Variants in VIPR2 observed in about 807,000 individuals in gnomAD.
VIPR2 encodes the protein vasoactive intestinal peptide receptor 2.
VIPR2 carries 48 observed loss-of-function variants against 58.0 expected under a neutral mutation model. That is an observed-to-expected ratio of 0.83 (90% confidence interval 0.66 to 1.05). The LOEUF (loss-of-function observed/expected upper bound fraction) is 1.05, where lower values mean the gene tolerates loss of function less well. VIPR2 is among the 50% of genes least tolerant of loss of function. The pLI, the probability that VIPR2 is intolerant of heterozygous loss-of-function variation, is 0.00. For synonymous variants in VIPR2, 243 were observed against 235.2 expected (o/e 1.03, Z -0.30); for missense variants, 534 against 558.0 (o/e 0.96, Z 0.43).
At chr7:159,089,791 A>T (rs1000487037) in intron 4 of VIPR2, among the ~76,000 whole-genome samples, 3 of 152,256 alleles carry the variant, frequency 2.0e-5, no homozygotes, top group Admixed American at 6.5e-5. Context: ...TGTACACTGC[A>T]TACAGGATGG....
At chr7:159,032,264 C>T (rs899328173) in intron 10 of VIPR2, among the ~76,000 whole-genome samples, 197 bp from the exon 11 acceptor site, 2 of 152,224 alleles carry the variant, frequency 1.3e-5, no homozygotes, top group Admixed American at 6.5e-5. Flanking sequence ...ATATCTAGCA[C>T]TCAGGGCCTG....
At chr7:159,142,181 T>C (rs1338941265) in intron 2 of VIPR2, among the ~76,000 whole-genome samples, 2 of 152,258 alleles carry the variant, frequency 1.3e-5, no homozygotes, top group Non-Finnish European at 2.9e-5. Flanking sequence ...GAAATTGTTT[T>C]AGTAACTGTT....
chr7:159,138,737 G>A lies in VIPR2; in HGVS notation c.151+3709C>T, dbSNP rs576757297. 2.7e-4 allele frequency among the ~76,000 whole-genome samples: 41 copies of A among 152,334 alleles called. No individual in the cohort carries two copies. The South Asian group carries it at 3.7e-3, about 14-fold the overall frequency. On this transcript the variant is annotated intron_variant, in intron 2 of 12. Transcript: ENST00000262178. ...GGTCTACCCACGTGTGGACGTGTGC[G>A]CACCCCAACTCTCCAGGGGCAACTT...
intron 4 of VIPR2, among the ~76,000 whole-genome samples, chr7:159,069,459 C>G (rs78988873): frequency 2.6e-5 from 4 of 152,222 alleles, no homozygotes; most frequent in Admixed American, 2.6e-4. Flanking sequence ...CCAGAACTTT[C>G]CAGACCCACC....
Position 159,128,463 on chromosome 7 carries a change from C to G in VIPR2, c.151+13983G>C, listed in dbSNP as rs1407587790. Among the ~76,000 whole-genome samples, 1 of 152,188 alleles carries G rather than the reference C, an allele frequency of 6.6e-6. No homozygotes were observed. The highest frequency in any genetic ancestry group is 2.4e-5 in the African/African-American group (1 of 41,452). On this transcript the variant is annotated intron_variant, in intron 2 of 12. Coordinates refer to ENST00000262178, the MANE Select transcript of VIPR2 (RefSeq NM_003382.5). This position sits in a 1 kb window ranked among gnomAD's most constrained non-coding sequence, Gnocchi z 4.1. ...AACCTCTGGGCCCCCCTGGCCACTC[C>G]CCTCCTGCCTTGGGCCTCCCACCTG...
At chr7:159,131,796 A>G (rs530052254) in intron 2 of VIPR2, among the ~76,000 whole-genome samples, 1 of 152,320 alleles carries the variant, frequency 6.6e-6, no homozygotes, top group South Asian at 2.1e-4. Flanking sequence ...CACCTGAAAA[A>G]TTCCTGAGCA....
intron 4 of VIPR2, among the ~76,000 whole-genome samples, chr7:159,086,892 G>A (rs921307126): frequency 6.6e-6 from 1 of 152,254 alleles, no homozygotes. Flanking sequence ...TGTGACACCA[G>A]CAGGTTGTCT....
intron 2 of VIPR2, among the ~76,000 whole-genome samples, chr7:159,138,011 A>G (rs2129498034): frequency 6.6e-6 from 1 of 152,376 alleles, no homozygotes; most frequent in African/African-American, 2.4e-5. Context: ...CTTCTGGAGC[A>G]TAACACAGTG....
At position 159,036,745 on chromosome 7, in the gene VIPR2, C is replaced by T. The variant is rs750166509; in HGVS notation, c.748+7G>A. 6.2e-7 allele frequency: 1 copy of T among 1,611,620 alleles called. No individual in the cohort carries two copies. Among genetic ancestry groups the T allele is most frequent in the Admixed American group, 1.7e-5 (1 of 59,796 alleles). ...GAGGGTTTGTGGGTGGGAAGGGGCA[C>T]ACTTACCCCATCCGATCAGGAGGTA... On this transcript the variant is annotated splice_region_variant and intron_variant, in intron 7 of 12. Transcript: ENST00000262178.
rs772259711 is a variant in VIPR2 at position 159,036,002 on chromosome 7, G to A, written c.759C>T (p.Thr253=). 4.7e-5 allele frequency: 76 copies of A among 1,613,134 alleles called. No individual in the cohort carries two copies. The highest frequency in any genetic ancestry group is 2.0e-4 in the Admixed American group (12 of 59,972). Residue 253 remains threonine (T), a synonymous_variant, in exon 8 of 13, where the codon ACC becomes ACT. Coordinates refer to ENST00000262178, the MANE Select transcript of VIPR2 (RefSeq NM_003382.5). ...AYLLIGWGLP[T]VCIGAWTAAR... ...CCGCAGTCCATGCACCGATGCAGAC[G>A]GTGGGGAGGCCTGCAGAGAGACGCC...
At chr7:159,135,291 G>A (rs1472103661) in intron 2 of VIPR2, among the ~76,000 whole-genome samples, 2 of 151,558 alleles carry the variant, frequency 1.3e-5, no homozygotes, top group African/African-American at 2.4e-5. Context: ...AATTAGTTGG[G>A]CATGGTGGCA....
At chr7:159,134,935 G>A (rs1797139529) in intron 2 of VIPR2, among the ~76,000 whole-genome samples, 1 of 149,908 alleles carries the variant, frequency 6.7e-6, no homozygotes, top group African/African-American at 2.5e-5. Flanking sequence ...GGGATTACAG[G>A]AATGAGTCAC....
At position 159,036,782 on chromosome 7, in the gene VIPR2, A is replaced by G. The variant is rs1189824363; in HGVS notation, c.718T>C (p.Cys240Arg). 6.2e-6 allele frequency: 10 copies of G among 1,613,704 alleles called. No individual in the cohort carries two copies. Among genetic ancestry groups the G allele is most frequent in the Non-Finnish European group, 8.5e-6 (10 of 1,179,880 alleles). ...CCGATCAGGAGGTAGGCCAGGAAGC[A>G]CCTTCTAGGGGGGAGCATGGCCACC... The part of the protein sequence containing the change: ...LLVAMLPPRR[C>R]FLAYLLIGWG... Residue 240 changes from cysteine (C) to arginine (R), a missense_variant, in exon 7 of 13, where the codon TGC becomes CGC. Coordinates refer to ENST00000262178, the MANE Select transcript of VIPR2 (RefSeq NM_003382.5).
chr7:159,123,329 A>C (rs1346172563), intron 2 of VIPR2, among the ~76,000 whole-genome samples: 13 of 150,750 alleles, frequency 8.6e-5, no homozygotes, highest in East Asian at 3.9e-4. Context: ...AGAAAAAAAA[A>C]CCTCAGTGTC....
chr7:159,113,359 AAT>A (rs1796115486), intron 2 of VIPR2, among the ~76,000 whole-genome samples: 1 of 152,190 alleles, frequency 6.6e-6, no homozygotes, highest in African/African-American at 2.4e-5. Context: ...TTGCTCAATC[AAT>A]CATGACCCTT....
At position 159,096,209 on chromosome 7, in the gene VIPR2, C is replaced by T. The variant is rs1394435706; in HGVS notation, c.357+7548G>A. On this transcript the variant is annotated intron_variant, in intron 4 of 12. Coordinates refer to ENST00000262178, the MANE Select transcript of VIPR2 (RefSeq NM_003382.5). The surrounding 1 kb of genome is among the most constrained non-coding windows in gnomAD (Gnocchi z 5.5). ...GCTGCCCAAGCCCAAAGACAGGCCTCCTATCCATCGAGGCCCGGAGAGTTT... is the reference window on the plus strand; with the variant it reads ...GCTGCCCAAGCCCAAAGACAGGCCTTCTATCCATCGAGGCCCGGAGAGTTT... 1.3e-5 allele frequency among the ~76,000 whole-genome samples: 2 copies of T among 152,242 alleles called. No homozygotes were observed. The highest frequency in any genetic ancestry group is 4.8e-5 in the African/African-American group (2 of 41,474).
chr7:159,133,809 GAACT>G (rs1209833284), intron 2 of VIPR2, among the ~76,000 whole-genome samples: 4 of 152,112 alleles, frequency 2.6e-5, no homozygotes, highest in Admixed American at 1.3e-4. Context: ...GAGAAAAAAG[GAACT>G]AACCCAATGG....
At chr7:159,080,301 G>A (rs1021978336) in intron 4 of VIPR2, among the ~76,000 whole-genome samples, 7 of 152,158 alleles carry the variant, frequency 4.6e-5, no homozygotes, top group African/African-American at 1.7e-4. Context: ...CGGGATGCAA[G>A]GCTGGTTCAA....
intron 2 of VIPR2, chr7:159,117,307 A>T (rs1796273187): frequency 1.4e-6 from 1 of 717,456 alleles, no homozygotes. Context: ...ATGATTTTGT[A>T]ATTATAAAAG....
Sources: gnomAD v4.1 joint callset for allele counts (sites outside exome capture counted in the v4.1 genomes callset) on GRCh38, gnomAD v4.1.1 for gene constraint, Gnocchi (gnomAD v3.1) non-coding constraint, MANE v1.5 for transcripts, NCBI Gene and HGNC (gene_info 2026-07-23, HGNC 2026-07-21) for gene names.